Variants in FUBP3 observed in about 807,000 individuals in gnomAD.
FUBP3 encodes the protein far upstream element-binding protein 3.
FUBP3 carries 28 observed loss-of-function variants against 85.6 expected under a neutral mutation model. The ratio of observed to expected loss-of-function variants is 0.33; its 90% confidence interval spans 0.24 to 0.45. The LOEUF is 0.45. FUBP3 is among the 20% of genes least tolerant of loss of function. The pLI, the probability that FUBP3 is intolerant of heterozygous loss-of-function variation, is 1.00. For missense variants in FUBP3, 583 were observed against 755.1 expected (o/e 0.77, Z 2.67); for synonymous variants, 271 against 271.4 (o/e 1.00, Z 0.01).
chr9:130,632,644 GTTCCTGGCCCTCCAAC>G (rs1404817561), intron 16 of FUBP3, among the ~76,000 whole-genome samples: 3 of 152,238 alleles, frequency 2.0e-5, no homozygotes, highest in African/African-American at 4.8e-5. Flanking sequence ...TGAGGGGCTG[GTTCCTGGCCCTCCAAC>G]TCCCTGCCCC....
chr9:130,587,900 A>G (rs1473281848), intron 1 of FUBP3, among the ~76,000 whole-genome samples: 1 of 152,194 alleles, frequency 6.6e-6, no homozygotes, highest in Non-Finnish European at 1.5e-5. Flanking sequence ...GCTAACACAA[A>G]TGTGGCAGTA....
intron 3 of FUBP3, among the ~76,000 whole-genome samples, chr9:130,610,757 T>C (rs1001600322): frequency 1.3e-5 from 2 of 152,242 alleles, no homozygotes; most frequent in African/African-American, 2.4e-5. Flanking sequence ...TGTCATCTTG[T>C]ATTCTGCCTA....
intron 2 of FUBP3, among the ~76,000 whole-genome samples, chr9:130,600,576 G>C (rs1385302548): frequency 6.6e-6 from 1 of 151,892 alleles, no homozygotes; most frequent in East Asian, 2.0e-4. Flanking sequence ...GTTCACTGCA[G>C]CCTCTATCCC....
chr9:130,625,265 C>G (rs1829924373), intron 11 of FUBP3, among the ~76,000 whole-genome samples: 1 of 152,192 alleles, frequency 6.6e-6, no homozygotes, highest in African/African-American at 2.4e-5. Flanking sequence ...GGGAGAAAAC[C>G]TTTTCTTCGA....
chr9:130,637,347 T>G lies in FUBP3; in HGVS notation c.*325T>G, dbSNP rs1830454167. The G allele has an allele frequency of 3.3e-6, 1 of 303,832 alleles. No homozygotes were observed. The highest frequency in any genetic ancestry group is 6.2e-6 in the Non-Finnish European group (1 of 160,928). 18.8% of individuals were successfully genotyped at this position (303,832 alleles called of 1,614,324 possible). ...TGATGGTTTTGGTTTGGTTTGGTTT[T>G]GTGTCCTTTTTATTTGCAGTTTTTT... is the stretch of plus-strand genomic sequence containing the variant. On this transcript the variant is annotated 3_prime_UTR_variant, in exon 19 of 19. Coordinates refer to ENST00000319725, the MANE Select transcript of FUBP3 (RefSeq NM_003934.2).
At chr9:130,585,743 C>G (rs528734467) in intron 1 of FUBP3, among the ~76,000 whole-genome samples, 4 of 152,190 alleles carry the variant, frequency 2.6e-5, no homozygotes, top group Non-Finnish European at 5.9e-5. Flanking sequence ...GTGCATCAAA[C>G]GTCAGGAAAT....
intron 3 of FUBP3, among the ~76,000 whole-genome samples, chr9:130,611,647 CTT>C (rs535398505): frequency 5.7e-5 from 8 of 141,266 alleles, no homozygotes; most frequent in Admixed American, 7.1e-5. Flanking sequence ...AAATGCTTGC[CTT>C]TTTTTTTTTT....
chr9:130,619,155 T>G (rs906757535), intron 8 of FUBP3, among the ~76,000 whole-genome samples: 5 of 152,232 alleles, frequency 3.3e-5, no homozygotes, highest in Admixed American at 1.3e-4. Flanking sequence ...CTCAGAGGCC[T>G]TCTTTTTCTA....
intron 2 of FUBP3, among the ~76,000 whole-genome samples, chr9:130,605,993 C>G (rs1831411572): frequency 6.6e-6 from 1 of 152,056 alleles, no homozygotes; most frequent in Non-Finnish European, 1.5e-5. Context: ...CAAACAACAA[C>G]AACAACAAAA....
At chr9:130,605,960 G>C (rs1344763114) in intron 2 of FUBP3, among the ~76,000 whole-genome samples, 2 of 151,810 alleles carry the variant, frequency 1.3e-5, no homozygotes, top group Non-Finnish European at 2.9e-5. Flanking sequence ...CTCCAGCCTG[G>C]GAGACAGAGC....
chr9:130,618,000 C>T (rs1044935988), intron 8 of FUBP3, 105 bp downstream of exon 8: 42 of 592,010 alleles, frequency 7.1e-5, no homozygotes, highest in South Asian at 3.5e-4. Context: ...CTGGCAGCTC[C>T]GTTATTGAAG....
chr9:130,614,375 A>C (rs1483206545), intron 6 of FUBP3, 30 bp downstream of exon 6: 1 of 1,403,604 alleles, frequency 7.1e-7, no homozygotes, highest in Admixed American at 1.7e-5. Flanking sequence ...TTTTTCTTTC[A>C]CTCTTCTTCC....
intron 2 of FUBP3, among the ~76,000 whole-genome samples, chr9:130,608,507 G>C (rs1184721459): frequency 6.6e-6 from 1 of 152,232 alleles, no homozygotes; most frequent in Non-Finnish European, 1.5e-5. Flanking sequence ...CAGGGGCTGA[G>C]TCTGTGGTGA....
At chr9:130,608,718 A>T (rs1831587606) in intron 2 of FUBP3, among the ~76,000 whole-genome samples, 1 of 152,228 alleles carries the variant, frequency 6.6e-6, no homozygotes, top group South Asian at 2.1e-4. Flanking sequence ...GCTGTAGACC[A>T]TTATCTTGTT....
At chr9:130,622,288 G>A (rs1829785401) in intron 9 of FUBP3, among the ~76,000 whole-genome samples, 2 of 144,632 alleles carry the variant, frequency 1.4e-5, no homozygotes, top group Admixed American at 1.4e-4. Context: ...TCGTGCCACT[G>A]CAGGCTGGGC....
At chr9:130,605,487 A>G (rs1380623268) in intron 2 of FUBP3, among the ~76,000 whole-genome samples, 1 of 152,266 alleles carries the variant, frequency 6.6e-6, no homozygotes, top group African/African-American at 2.4e-5. Flanking sequence ...CCTCGCCTGC[A>G]TGCCACTCTG....
chr9:130,620,530 C>G, intron 9 of FUBP3, 72 bp downstream of exon 9: 1 of 710,356 alleles, frequency 1.4e-6, no homozygotes, highest in Admixed American at 2.7e-5. Context: ...TTTGTTAGCT[C>G]TTTAACCCTG....
In FUBP3 at chr9:130,579,629, A is replaced by T. The variant is rs528064325; in HGVS notation, c.-52A>T. 7.4e-5 allele frequency: 83 copies of T among 1,121,066 alleles called. No individual in the cohort carries two copies. In the African/African-American group the frequency reaches 1.2e-3, roughly 17 times the overall value. 69.4% of individuals were successfully genotyped at this position (1,121,066 alleles called of 1,614,324 possible). On this transcript the variant is annotated 5_prime_UTR_variant, in exon 1 of 19. Coordinates refer to ENST00000319725, the MANE Select transcript of FUBP3 (RefSeq NM_003934.2). ...AGCGGGAGGCCGGACCGGGGAGCCG[A>T]GCGGCGGCGTCGGCGGCGTCGGCGG...
chr9:130,593,813 T>C (rs1393914327), intron 1 of FUBP3, among the ~76,000 whole-genome samples: 1 of 152,244 alleles, frequency 6.6e-6, no homozygotes, highest in Non-Finnish European at 1.5e-5. Flanking sequence ...GCTGTAAATA[T>C]TCCTTTGGTT....
Sources: gnomAD v4.1 joint callset for allele counts (sites outside exome capture counted in the v4.1 genomes callset) on GRCh38, gnomAD v4.1.1 for gene constraint, MANE v1.5 for transcripts, NCBI Gene and HGNC (gene_info 2026-07-23, HGNC 2026-07-21) for gene names.